Variants in FAM228B observed in about 807,000 individuals in gnomAD.
FAM228B encodes the protein family with sequence similarity 228 member B.
FAM228B carries 38 observed loss-of-function variants against 42.6 expected under a neutral mutation model. The ratio of observed to expected loss-of-function variants is 0.89; its 90% CI spans 0.69 to 1.17. The LOEUF (loss-of-function observed/expected upper bound fraction) is 1.17. Among genes scored for constraint, FAM228B ranks in the 50% most tolerant of loss-of-function variants. The probability of loss-of-function intolerance (pLI) is 0.00; values close to 1 mark genes in which losing one functional copy is unlikely to be tolerated. For synonymous variants in FAM228B, 109 were observed against 122.3 expected (o/e 0.89, Z 0.72); for missense variants, 344 against 367.3 (o/e 0.94, Z 0.52).
chr2:24,166,543 AG>A (rs1667419727), intron 9 of FAM228B: 1 of 152,134 alleles, frequency 6.6e-6, no homozygotes, highest in Non-Finnish European at 1.5e-5. Flanking sequence ...GCCAACTCTG[AG>A]CCAGGCAGTG....
intron 3 of FAM228B, chr2:24,096,722 C>A (rs940939849): frequency 1.3e-5 from 2 of 152,118 alleles, no homozygotes; most frequent in Non-Finnish European, 2.9e-5. Flanking sequence ...AGGATATTAT[C>A]CAGGAGAACT....
At chr2:24,110,917 A>G (rs1411381795) in intron 3 of FAM228B, among the ~76,000 whole-genome samples, 2 of 152,160 alleles carry the variant, frequency 1.3e-5, no homozygotes, top group Non-Finnish European at 2.9e-5. Flanking sequence ...CCAGTTAGCT[A>G]GTGTCAAATT....
chr2:24,123,318 G>C (rs1666186074), upstream of FAM228B: 1 of 152,236 alleles, frequency 6.6e-6, no homozygotes, highest in Admixed American at 6.5e-5. Flanking sequence ...TTGCGGGTGG[G>C]TGGCGGCGGC....
chr2:24,132,702 T>TA (rs1331236146), intron 2 of FAM228B, among the ~76,000 whole-genome samples: 1 of 152,012 alleles, frequency 6.6e-6, no homozygotes, highest in East Asian at 1.9e-4. Context: ...TTTCTTTATA[T>TA]ATCTAGTAAT....
chr2:24,162,711 T>A (rs1433019601), intron 8 of FAM228B, among the ~76,000 whole-genome samples: 1 of 152,208 alleles, frequency 6.6e-6, no homozygotes, highest in Non-Finnish European at 1.5e-5. Flanking sequence ...CAAGATGTGG[T>A]ATATCCATAC....
chr2:24,139,202 T>A (rs1288048525), intron 4 of FAM228B, among the ~76,000 whole-genome samples, 168 bp from the exon 5 acceptor site: 1 of 152,172 alleles, frequency 6.6e-6, no homozygotes, highest in Non-Finnish European at 1.5e-5. Flanking sequence ...CCTGATTGCT[T>A]GAATAAATTA....
At chr2:24,137,694 C>T (rs1465601545) in intron 3 of FAM228B, among the ~76,000 whole-genome samples, 2 of 152,164 alleles carry the variant, frequency 1.3e-5, no homozygotes, top group Non-Finnish European at 2.9e-5. Flanking sequence ...CCAGGGAGAG[C>T]AGGCATGTTG....
intron 2 of FAM228B, among the ~76,000 whole-genome samples, chr2:24,088,633 G>A (rs1665315315): frequency 6.6e-6 from 1 of 152,234 alleles, no homozygotes; most frequent in Admixed American, 6.5e-5. Flanking sequence ...TTACAGGCGT[G>A]AGCCACCGCG....
chr2:24,149,863 G>A (rs929950051), intron 7 of FAM228B, among the ~76,000 whole-genome samples: 3 of 152,148 alleles, frequency 2.0e-5, no homozygotes, highest in African/African-American at 7.2e-5. Flanking sequence ...TTGTAAATCT[G>A]TTACTGGTTT....
At chr2:24,121,293 G>A, upstream of FAM228B, 1 of 1,614,058 alleles carries the variant, frequency 6.2e-7, no homozygotes, top group South Asian at 1.1e-5. Flanking sequence ...GACATCACTG[G>A]GCGTTACCTG....
intron 7 of FAM228B, 100 bp from the exon 8 acceptor site, chr2:24,161,406 T>C (rs2151031041): frequency 1.4e-6 from 1 of 692,876 alleles, no homozygotes; most frequent in Non-Finnish European, 2.5e-6. Context: ...GAGCTGTGAT[T>C]GCACCACTGC....
At chr2:24,119,729 A>G, upstream of FAM228B, 3 of 1,440,086 alleles carry the variant, frequency 2.1e-6, no homozygotes, top group Non-Finnish European at 1.9e-6. Flanking sequence ...TTCTAATCAC[A>G]GGACCAGTGG....
chr2:24,126,722 T>A (rs780374623), intron 2 of FAM228B, among the ~76,000 whole-genome samples: 11 of 151,992 alleles, frequency 7.2e-5, no homozygotes, highest in Non-Finnish European at 1.0e-4. Flanking sequence ...GCCATTCTCC[T>A]GCCTCAGCCT....
At chr2:24,141,571 G>A (rs1268302175) in intron 5 of FAM228B, among the ~76,000 whole-genome samples, 1 of 151,472 alleles carries the variant, frequency 6.6e-6, no homozygotes, top group Non-Finnish European at 1.5e-5. Flanking sequence ...GTAGAGACGG[G>A]GTTTCACCAT....
intron 8 of FAM228B, 47 bp from the exon 9 acceptor site, chr2:24,164,146 CAGTTG>C (rs1220531068): frequency 1.5e-4 from 216 of 1,453,784 alleles, no homozygotes; most frequent in Non-Finnish European, 1.9e-4. Context: ...TTAAGTGCTA[CAGTTG>C]AGTTGAGAGT....
At position 24,077,555 on chromosome 2, in the gene FAM228B, C is replaced by T. The variant is rs1664805045; in HGVS notation, c.-290+586C>T. The T allele has an allele frequency of 6.3e-7, 1 of 1,597,792 alleles. No homozygotes were observed. The highest frequency in any genetic ancestry group is 2.2e-5 in the East Asian group (1 of 44,768). ...GCTCTGGAAAGGCCTGGGGTGGCCG[C>T]GTCCTGTCCTGCCCCATCCTCCTTC... On this transcript the variant is annotated intron_variant, in intron 1 of 10. Transcript: ENST00000613899. This position sits in a 1 kb window ranked among gnomAD's most constrained non-coding sequence, Gnocchi z 5.5.
At chr2:24,081,995 T>C (rs925587585) in intron 2 of FAM228B, among the ~76,000 whole-genome samples, 2 of 151,820 alleles carry the variant, frequency 1.3e-5, no homozygotes, top group African/African-American at 4.8e-5. Flanking sequence ...ACGCCCAGCC[T>C]ACTCTTTCTT....
upstream of FAM228B, chr2:24,121,336 A>C: frequency 6.3e-7 from 1 of 1,586,190 alleles, no homozygotes; most frequent in Non-Finnish European, 8.6e-7. Flanking sequence ...GGAGTCAGCC[A>C]ACTATGGCTG....
intron 2 of FAM228B, among the ~76,000 whole-genome samples, chr2:24,089,691 G>A (rs532906079): frequency 1.4e-4 from 21 of 152,284 alleles, no homozygotes; most frequent in African/African-American, 4.6e-4. Context: ...AGTCACAACC[G>A]AGGAAGAAAT....
Sources: allele counts gnomAD v4.1 joint callset (sites outside exome capture counted in the v4.1 genomes callset), GRCh38; gene constraint gnomAD v4.1.1; non-coding constraint Gnocchi (gnomAD v3.1); transcripts MANE v1.5; gene names NCBI Gene and HGNC (gene_info 2026-07-23, HGNC 2026-07-21).